The following NAALADL2 variants were observed in gnomAD, a reference collection of about 807,000 sequenced individuals.
NAALADL2 encodes inactive N-acetylated-alpha-linked acidic dipeptidase-like protein 2.
A neutral mutation model predicts 87.2 loss-of-function variants in NAALADL2; 76 were observed. The observed-to-expected ratio is 0.87, with a 90% CI of 0.72 to 1.05. The LOEUF is 1.05. Ranked by LOEUF, NAALADL2 falls within the 50% of genes least tolerant of loss-of-function variation. NAALADL2 has a pLI of 0.00. For synonymous variants in NAALADL2, 354 were observed against 331.0 expected (o/e 1.07, Z -0.75); for missense variants, 1,089 against 945.8 (o/e 1.15, Z -1.99).
chr3:175,798,505 A>C (rs1482377131), intron 13 of NAALADL2, among the ~76,000 whole-genome samples: 2 of 152,112 alleles, frequency 1.3e-5, no homozygotes, highest in African/African-American at 2.4e-5. Context: ...AACTAAAAAA[A>C]GATCCATTTC....
chr3:175,517,727 G>A (rs1246574835), intron 9 of NAALADL2, among the ~76,000 whole-genome samples: 2 of 152,042 alleles, frequency 1.3e-5, no homozygotes, highest in African/African-American at 4.8e-5. Flanking sequence ...GAGTTTAGGA[G>A]TAGAGTCTCC....
intron 2 of NAALADL2, among the ~76,000 whole-genome samples, chr3:174,620,714 G>A (rs555410441): frequency 6.6e-6 from 1 of 152,098 alleles, no homozygotes; most frequent in Admixed American, 6.5e-5. Flanking sequence ...AGATCAAAAT[G>A]GGACTGTGAA....
At chr3:175,359,245 T>C (rs1764712130) in intron 5 of NAALADL2, among the ~76,000 whole-genome samples, 2 of 152,122 alleles carry the variant, frequency 1.3e-5, no homozygotes, top group South Asian at 4.1e-4. Flanking sequence ...AACAATTATC[T>C]AGAATACTAA....
In NAALADL2 at chr3:175,395,896, G is replaced by T. The variant is rs531112779; in HGVS notation, c.1091-51333G>T. ...ACCAATCCTTGACCTCTGACTTCAA[G>T]AAATATATGAACTGCTTCTCTTCTA... On this transcript the variant is annotated intron_variant, in intron 5 of 13. Coordinates refer to ENST00000454872, the MANE Select transcript of NAALADL2 (RefSeq NM_207015.3). 2.0e-5 allele frequency among the ~76,000 whole-genome samples: 3 copies of T among 152,240 alleles called. No individual in the cohort carries two copies. The East Asian group carries it at 5.8e-4, about 29-fold the overall frequency.
intron 2 of NAALADL2, among the ~76,000 whole-genome samples, chr3:174,673,245 C>G (rs1311371937): frequency 6.6e-6 from 1 of 151,872 alleles, no homozygotes; most frequent in African/African-American, 2.4e-5. Flanking sequence ...TAACAGGTAA[C>G]TGATAGCATT....
intron 2 of NAALADL2, among the ~76,000 whole-genome samples, chr3:175,168,669 C>A (rs955800481): frequency 2.0e-5 from 3 of 151,446 alleles, no homozygotes; most frequent in Admixed American, 6.6e-5. Context: ...ATATTGATAT[C>A]TTTTTTGTTT....
intron 1 of NAALADL2, among the ~76,000 whole-genome samples, chr3:174,451,017 G>A (rs1715447776): frequency 6.6e-6 from 1 of 151,732 alleles, no homozygotes; most frequent in African/African-American, 2.4e-5. Context: ...ATTTTACTTA[G>A]AATGAGAAAA....
chr3:174,474,970 G>A (rs778754336), intron 1 of NAALADL2, among the ~76,000 whole-genome samples: 78 of 151,938 alleles, frequency 5.1e-4, no homozygotes, highest in Non-Finnish European at 7.7e-4. Flanking sequence ...GATAAGATGT[G>A]ATTATATATA....
chr3:174,971,355 T>G (rs996264573), intron 1 of NAALADL2, among the ~76,000 whole-genome samples: 1 of 152,188 alleles, frequency 6.6e-6, no homozygotes, highest in African/African-American at 2.4e-5. Context: ...AAAAATTTCT[T>G]TCTTCGTGGT....
chr3:175,317,827 G>T lies in NAALADL2; in HGVS notation c.940-6348G>T, dbSNP rs149628905. The stretch of plus-strand genomic sequence containing the variant: ...AATAATGTTAATTGTTGGTGAGAAT[G>T]AAGAGAAGCAAAAACATATATAGCT... On this transcript the variant is annotated intron_variant, in intron 4 of 13. Coordinates refer to ENST00000454872, the MANE Select transcript of NAALADL2 (RefSeq NM_207015.3). 3.0e-3 allele frequency among the ~76,000 whole-genome samples: 462 copies of T among 152,238 alleles called. 3 individuals are homozygous for T. Among genetic ancestry groups the T allele is most frequent in the African/African-American group, 0.011 (451 of 41,566 alleles).
At chr3:175,733,269 T>C (rs1168823961) in intron 11 of NAALADL2, among the ~76,000 whole-genome samples, 3 of 152,168 alleles carry the variant, frequency 2.0e-5, no homozygotes, top group East Asian at 1.9e-4. Flanking sequence ...GAAAGAGGTT[T>C]AATGGAGAAC....
chr3:174,706,440 G>C (rs1322800247), intron 2 of NAALADL2, among the ~76,000 whole-genome samples: 1 of 152,130 alleles, frequency 6.6e-6, no homozygotes, highest in East Asian at 1.9e-4. Context: ...AACAACAAAA[G>C]AAAGAATAGA....
At chr3:175,441,927 C>T (rs969055269) in intron 5 of NAALADL2, among the ~76,000 whole-genome samples, 4 of 151,950 alleles carry the variant, frequency 2.6e-5, no homozygotes, top group Non-Finnish European at 5.9e-5. Context: ...CTTGAATACA[C>T]TGACTTTTCT....
At chr3:175,127,924 T>C (rs1727215778) in intron 2 of NAALADL2, among the ~76,000 whole-genome samples, 1 of 152,128 alleles carries the variant, frequency 6.6e-6, no homozygotes, top group East Asian at 1.9e-4. Flanking sequence ...ACACAAAATA[T>C]TAATAATAGA....
intron 2 of NAALADL2, among the ~76,000 whole-genome samples, chr3:175,140,693 G>A (rs919962684): frequency 6.6e-6 from 1 of 152,148 alleles, no homozygotes; most frequent in Non-Finnish European, 1.5e-5. Flanking sequence ...TGACATAACG[G>A]AGAATGTTGA....
chr3:174,681,810 G>A (rs111952299), intron 2 of NAALADL2, among the ~76,000 whole-genome samples: 11 of 152,244 alleles, frequency 7.2e-5, no homozygotes, highest in African/African-American at 2.4e-4. Flanking sequence ...GCTTGGCCAC[G>A]GTGGGGTAGA....
chr3:175,394,655 T>G (rs561691420), intron 5 of NAALADL2, among the ~76,000 whole-genome samples: 28 of 152,318 alleles, frequency 1.8e-4, no homozygotes, highest in African/African-American at 6.7e-4. Flanking sequence ...AGACATAGAT[T>G]GTACTACAGT....
chr3:174,971,665 C>CTTTGTGTG (rs1553906940), intron 1 of NAALADL2, among the ~76,000 whole-genome samples: 1 of 144,724 alleles, frequency 6.9e-6, no homozygotes, highest in Non-Finnish European at 1.5e-5. Context: ...GTATGCTAGA[C>CTTTGTGTG]TGTGTGTGTG....
intron 3 of NAALADL2, among the ~76,000 whole-genome samples, chr3:174,843,431 A>T (rs1724244450): frequency 6.6e-6 from 1 of 152,076 alleles, no homozygotes; most frequent in African/African-American, 2.4e-5. Flanking sequence ...TTCTTTAAAT[A>T]TTCATCCATT....
Sources: allele counts gnomAD v4.1 joint callset (sites outside exome capture counted in the v4.1 genomes callset), GRCh38; gene constraint gnomAD v4.1.1; transcripts MANE v1.5; gene names NCBI Gene and HGNC (gene_info 2026-07-23, HGNC 2026-07-21).